ATG7: variants seen among roughly 807,000 people sequenced by gnomAD.
ATG7 encodes ubiquitin-like modifier-activating enzyme ATG7.
Under a neutral mutation model 82.4 loss-of-function variants are expected in ATG7, and 70 were observed. That is an observed-to-expected ratio of 0.85 (90% confidence interval 0.70 to 1.04). ATG7 has a LOEUF of 1.04. Ranked by LOEUF, ATG7 falls within the 50% of genes least tolerant of loss-of-function variation. ATG7 has a pLI of 0.00. For synonymous variants in ATG7, 287 were observed against 313.0 expected (o/e 0.92, Z 0.88); for missense variants, 792 against 864.3 (o/e 0.92, Z 1.05).
At chr3:11,345,006 G>T (rs895041966) in intron 13 of ATG7, among the ~76,000 whole-genome samples, 1 of 152,032 alleles carries the variant, frequency 6.6e-6, no homozygotes, top group African/African-American at 2.4e-5. Flanking sequence ...AACTTAAAAC[G>T]TTCTGCCTTT....
chr3:11,430,833 G>A (rs964384168), intron 20 of ATG7, among the ~76,000 whole-genome samples: 2 of 152,214 alleles, frequency 1.3e-5, no homozygotes, highest in East Asian at 1.9e-4. Flanking sequence ...GTCAAGAAAA[G>A]CTTCACAGGA....
chr3:11,335,089 G>T (rs568028327), intron 11 of ATG7, among the ~76,000 whole-genome samples: 4 of 151,580 alleles, frequency 2.6e-5, no homozygotes, highest in Admixed American at 1.3e-4. Context: ...TACACAATTC[G>T]CTGAAAGATT....
At chr3:11,334,272 T>C (rs1952060803) in intron 11 of ATG7, among the ~76,000 whole-genome samples, 1 of 151,790 alleles carries the variant, frequency 6.6e-6, no homozygotes, top group Non-Finnish European at 1.5e-5. Context: ...TGAGGCAGAG[T>C]CTAGCTTTGT....
At chr3:11,549,545 A>G (rs1350352496) in intron 20 of ATG7, among the ~76,000 whole-genome samples, 1 of 152,154 alleles carries the variant, frequency 6.6e-6, no homozygotes, top group Non-Finnish European at 1.5e-5. Context: ...CAGGATAAAG[A>G]CACTGAGATT....
chr3:11,471,222 G>T (rs1174227708), intron 20 of ATG7, among the ~76,000 whole-genome samples: 1 of 152,164 alleles, frequency 6.6e-6, no homozygotes, highest in Non-Finnish European at 1.5e-5. Context: ...CAGCATGGCA[G>T]CGGCAGACAG....
intron 3 of ATG7, among the ~76,000 whole-genome samples, chr3:11,293,385 G>T (rs2152679281): frequency 6.6e-6 from 1 of 151,996 alleles, no homozygotes; most frequent in Middle Eastern, 3.4e-3. Flanking sequence ...TAAAAAATTA[G>T]CCGGGTGCGG....
At chr3:11,511,200 A>G (rs1418310785) in intron 20 of ATG7, among the ~76,000 whole-genome samples, 6 of 152,262 alleles carry the variant, frequency 3.9e-5, no homozygotes, top group Non-Finnish European at 8.8e-5. Context: ...ATGCTGGCTC[A>G]GGCAGCCTGC....
At chr3:11,474,504 G>GTA (rs748888082) in intron 20 of ATG7, among the ~76,000 whole-genome samples, 2 of 152,292 alleles carry the variant, frequency 1.3e-5, no homozygotes, top group Non-Finnish European at 2.9e-5. Context: ...GGAGGCTGAA[G>GTA]TAGAAGGCTC....
chr3:11,378,181 T>C (rs1417687159), intron 18 of ATG7, among the ~76,000 whole-genome samples: 3 of 150,764 alleles, frequency 2.0e-5, no homozygotes, highest in African/African-American at 7.3e-5. Flanking sequence ...ACCCGGCTAA[T>C]TATTTTGTAT....
intron 3 of ATG7, among the ~76,000 whole-genome samples, chr3:11,296,746 T>C (rs1945984830): frequency 6.6e-6 from 1 of 152,208 alleles, no homozygotes; most frequent in Admixed American, 6.5e-5. Flanking sequence ...TGAGTATTCC[T>C]CTGCTCTTCT....
chr3:11,493,138 A>G (rs928671630), intron 20 of ATG7, among the ~76,000 whole-genome samples: 1 of 152,216 alleles, frequency 6.6e-6, no homozygotes, highest in Non-Finnish European at 1.5e-5. Flanking sequence ...AATGCAGACA[A>G]TTTTATTGAG....
At chr3:11,372,938 G>T (rs2077135709) in intron 18 of ATG7, among the ~76,000 whole-genome samples, 1 of 151,354 alleles carries the variant, frequency 6.6e-6, no homozygotes, top group African/African-American at 2.4e-5. Flanking sequence ...CTGTTTAAAA[G>T]AAAGTTAAAT....
chr3:11,395,707 G>A (rs780376158), intron 19 of ATG7, among the ~76,000 whole-genome samples: 10 of 152,062 alleles, frequency 6.6e-5, no homozygotes, highest in Non-Finnish European at 1.0e-4. Context: ...TTGGGAGGCC[G>A]AAGCGGGCAG....
intron 19 of ATG7, among the ~76,000 whole-genome samples, chr3:11,401,056 G>C (rs1289627990): frequency 6.6e-6 from 1 of 152,190 alleles, no homozygotes; most frequent in African/African-American, 2.4e-5. Flanking sequence ...GATGTAGCAG[G>C]CATTTTCAAA....
intron 19 of ATG7, among the ~76,000 whole-genome samples, chr3:11,406,384 G>A (rs1441822252): frequency 1.3e-5 from 2 of 151,948 alleles, no homozygotes; most frequent in East Asian, 1.9e-4. Flanking sequence ...GCTCACTGAA[G>A]CCTCCAATTC....
intron 20 of ATG7, among the ~76,000 whole-genome samples, chr3:11,486,820 GT>G (rs34251925): frequency 0.42 from 54,993 of 132,080 alleles, 10,624 homozygotes; most frequent in East Asian, 0.71. Flanking sequence ...CTTTGGTTCT[GT>G]TTTTTTTTTT....
chr3:11,474,397 C>T (rs2087887629), intron 20 of ATG7, among the ~76,000 whole-genome samples: 1 of 152,164 alleles, frequency 6.6e-6, no homozygotes, highest in Non-Finnish European at 1.5e-5. Flanking sequence ...GTCAGGAGTT[C>T]GAGACCAGCC....
intron 1 of ATG7, among the ~76,000 whole-genome samples, chr3:11,279,364 G>C (rs979704223): frequency 4.6e-5 from 7 of 152,158 alleles, no homozygotes; most frequent in Non-Finnish European, 8.8e-5. Flanking sequence ...TAAAACCTTG[G>C]GTTAAGGGTT....
intron 9 of ATG7, among the ~76,000 whole-genome samples, chr3:11,325,445 G>A (rs987212073): frequency 1.3e-5 from 2 of 152,176 alleles, no homozygotes; most frequent in African/African-American, 4.8e-5. Context: ...GCCAAGGTGG[G>A]CAGATCACCT....
Sources: gnomAD v4.1 joint callset for allele counts (sites outside exome capture counted in the v4.1 genomes callset) on GRCh38, gnomAD v4.1.1 for gene constraint, MANE v1.5 for transcripts, NCBI Gene and HGNC (gene_info 2026-07-23, HGNC 2026-07-21) for gene names.